The following CHGB variants were observed in gnomAD, a reference collection of about 807,000 sequenced individuals.
The protein encoded by CHGB is secretogranin-1.
A neutral mutation model predicts 69.9 loss-of-function variants in CHGB; 46 were observed. That is an observed-to-expected ratio of 0.66 (90% CI 0.52 to 0.84). CHGB has a LOEUF of 0.84. Ranked by LOEUF, CHGB falls within the 40% of genes least tolerant of loss-of-function variation. The pLI is 0.00. For missense variants in CHGB, 796 were observed against 822.2 expected, an observed-to-expected ratio of 0.97 and a Z score of 0.39; for synonymous variants, 312 against 298.2, an observed-to-expected ratio of 1.05 and a Z score of -0.48.
At chr20:5,920,610 T>G (rs767249305) in intron 3 of CHGB, among the ~76,000 whole-genome samples, 18 of 152,186 alleles carry the variant, frequency 1.2e-4, no homozygotes, top group Non-Finnish European at 2.4e-4. Flanking sequence ...ATGACCTAAT[T>G]ACCTCTCAGA....
rs1285731523 is a variant in CHGB, at chr20:5,911,532, C to T, written c.-102C>T. 4 of 1,270,646 alleles carry T rather than the reference C, an allele frequency of 3.1e-6. No individual in the cohort carries two copies. Among genetic ancestry groups the T allele is most frequent in the Non-Finnish European group, 4.3e-6 (4 of 922,568 alleles). The allele number at this position is 1,270,646 out of a possible 1,614,324, so 78.7% of individuals were successfully genotyped here. ...GCCACACCGCGGGGACCAGGAGGCA[C>T]GCTGGTTTTCCGGGGCCGCTCCATC... On this transcript the variant is annotated 5_prime_UTR_variant, in exon 1 of 5. In the 5' UTR this introduces an upstream ATG that the reference lacks. Transcript: ENST00000378961.
At chr20:5,917,376 AC>A (rs1379268968) in intron 3 of CHGB, 1 of 159,798 alleles carries the variant, frequency 6.3e-6, no homozygotes, top group Non-Finnish European at 1.4e-5. Context: ...TGCTCTTCTG[AC>A]AGTGAGAATC....
Position 5,923,133 on chromosome 20 carries a change from C to T in CHGB, c.989C>T (p.Thr330Ile), listed in dbSNP as rs770944731. The stretch of plus-strand genomic sequence containing the variant: ...GGGGAAAAGAGGGACCACCATTCAA[C>T]CCACTACAGGGCTTCAGAGGAAGAA... ...SLGEKRDHHS[T>I]HYRASEEEPE... The change falls in exon 4 of 5, where the codon ACC becomes ATC. Residue 330 changes from threonine to isoleucine, a missense_variant. This residue lies in a region of CHGB where 518 missense variants were observed against 506.3 expected (regional missense o/e 1.02). Transcript: ENST00000378961. The T allele has an allele frequency of 6.2e-7, 1 of 1,613,958 alleles. No individual in the cohort carries two copies.
At position 5,911,668 on chromosome 20, in the gene CHGB, C is replaced by G. The variant is rs1477351788; in HGVS notation, c.35C>G (p.Ala12Gly). 1.3e-6 allele frequency: 2 copies of G among 1,489,978 alleles called. No homozygotes were observed. The highest frequency in any genetic ancestry group is 2.9e-5 in the African/African-American group (2 of 68,282). The allele number at this position is 1,489,978 out of a possible 1,614,324, so 92.3% of individuals were successfully genotyped here. The stretch of plus-strand genomic sequence containing the variant: ...ACGCTGCTTCTCAGCCTCCTGGGAG[C>G]CGTGGGGCTGGCGGGTGAGTGGGCG... ...QPTLLLSLLG[A>G]VGLAAVNSMP... Residue 12 changes from alanine to glycine, a missense_variant, in exon 1 of 5, where the codon GCC becomes GGC. Physicochemically the swap from Ala to Gly is moderately conservative, Grantham distance 60. Coordinates refer to ENST00000378961, the MANE Select transcript of CHGB (RefSeq NM_001819.3).
At chr20:5,918,480 A>G (rs2088492290) in intron 3 of CHGB, among the ~76,000 whole-genome samples, 1 of 152,118 alleles carries the variant, frequency 6.6e-6, no homozygotes, top group African/African-American at 2.4e-5. Context: ...ATGAGCCCTC[A>G]TGCATGAAAT....
At position 5,916,437 on chromosome 20, in the gene CHGB, A is replaced by G. The variant is rs543258344; in HGVS notation, c.96+65A>G. 1.7e-5 allele frequency: 24 copies of G among 1,373,186 alleles called. No individual in the cohort carries two copies. The African/African-American group carries it at 1.9e-4, about 11-fold the overall frequency. The allele number at this position is 1,373,186 out of a possible 1,614,324, so 85.1% of individuals were successfully genotyped here. On this transcript the variant is annotated intron_variant, in intron 2 of 4. Coordinates refer to ENST00000378961, the MANE Select transcript of CHGB (RefSeq NM_001819.3). ...TAGACTCTAGATTCTCCCAGTCCCT[A>G]TTATACCAAACCAAACACACGCATG...
Position 5,923,635 on chromosome 20 carries a change from GGAAGCTAGGTTTCAA to G in CHGB, c.1494_1508del (p.Glu498_Gln502del), listed in dbSNP as rs770222801. The G allele has an allele frequency of 4.6e-5, 75 of 1,613,944 alleles. No homozygotes were observed. The highest frequency in any genetic ancestry group is 6.1e-5 in the Non-Finnish European group (72 of 1,180,034). Reference sequence around the variant, plus strand: ...TGCAGGACACTAAAGAAAACAGGGAGGAAGCTAGGTTTCAAGATAAACAATATAGCTCCCATCACA... The same window carrying G: ...TGCAGGACACTAAAGAAAACAGGGAGGATAAACAATATAGCTCCCATCACA... On this transcript the variant is annotated inframe_deletion, in exon 4 of 5. Transcript: ENST00000378961.
chr20:5,924,931 T>G (rs1311367942), intron 4 of CHGB, 41 bp from the exon 5 acceptor site: 2 of 1,245,682 alleles, frequency 1.6e-6, no homozygotes, highest in East Asian at 4.6e-5. Flanking sequence ...CAAAAGAAAT[T>G]GGTTCGGGAC....
intron 4 of CHGB, 118 bp downstream of exon 4, chr20:5,924,218 G>C: frequency 3.6e-6 from 5 of 1,406,730 alleles, no homozygotes; most frequent in Non-Finnish European, 4.7e-6. Context: ...TATGAAAATG[G>C]TGCTCTAGTA....
At chr20:5,924,668 T>C (rs575498954) in intron 4 of CHGB, among the ~76,000 whole-genome samples, 88 of 152,338 alleles carry the variant, frequency 5.8e-4, no homozygotes, top group Middle Eastern at 3.4e-3. Flanking sequence ...ATGTTTTTTT[T>C]CCTAATATTG....
chr20:5,924,108 C>A lies in CHGB; in HGVS notation c.1956+8C>A. ...GTCCTGACAGAGGACGAGGTATGGT[C>A]TAGGGCTTCTGTTTAAAAGTACTTA... On this transcript the variant is annotated splice_region_variant and intron_variant, in intron 4 of 4. Transcript: ENST00000378961. 1 of 1,583,312 alleles carries A rather than the reference C, an allele frequency of 6.3e-7. No homozygotes were observed.
chr20:5,916,160 T>C (rs142884118), intron 1 of CHGB, 166 bp from the exon 2 acceptor site: 6,362 of 619,082 alleles, frequency 0.01, 149 homozygotes, highest in Admixed American at 0.066. Flanking sequence ...TTGTCTGTGG[T>C]CTAGATTTGA....
chr20:5,911,590 C>T lies in CHGB; in HGVS notation c.-44C>T. The T allele has an allele frequency of 6.6e-7, 1 of 1,517,042 alleles. No homozygotes were observed. Among genetic ancestry groups the T allele is most frequent in the Non-Finnish European group, 8.8e-7 (1 of 1,137,550 alleles). The allele number at this position is 1,517,042 out of a possible 1,614,324, so 94.0% of individuals were successfully genotyped here. A position where few individuals can be genotyped will look rare whatever the true frequency, so the allele number is the denominator to read the frequency against. The stretch of plus-strand genomic sequence containing the variant: ...CCTCCTGCGCCTCGCTTCTCCGGTC[C>T]AGCCGCCATCTTCCTTTCCGCACAG... On this transcript the variant is annotated 5_prime_UTR_variant, in exon 1 of 5. Coordinates refer to ENST00000378961, the MANE Select transcript of CHGB (RefSeq NM_001819.3).
At chr20:5,915,311 C>T (rs916090090) in intron 1 of CHGB, among the ~76,000 whole-genome samples, 2 of 152,124 alleles carry the variant, frequency 1.3e-5, no homozygotes, top group East Asian at 1.9e-4. Flanking sequence ...TTAAGATAGG[C>T]GGAATCCCAT....
intron 2 of CHGB, 55 bp from the exon 3 acceptor site, chr20:5,916,771 A>T: frequency 6.6e-7 from 1 of 1,506,658 alleles, no homozygotes; most frequent in Non-Finnish European, 9.2e-7. Flanking sequence ...TGGGTTGAGT[A>T]GTCTGTCATC....
intron 1 of CHGB, among the ~76,000 whole-genome samples, chr20:5,914,993 G>A: frequency 6.6e-6 from 1 of 152,240 alleles, no homozygotes; most frequent in East Asian, 1.9e-4. Flanking sequence ...TCAGGTTGCT[G>A]CATTTGAATA....
intron 3 of CHGB, among the ~76,000 whole-genome samples, chr20:5,921,589 A>G (rs1234445242): frequency 6.6e-6 from 1 of 152,238 alleles, no homozygotes; most frequent in Non-Finnish European, 1.5e-5. Flanking sequence ...TGGAAACACA[A>G]AGATAACTCA....
intron 3 of CHGB, among the ~76,000 whole-genome samples, chr20:5,921,687 G>C (rs925673608): frequency 1.3e-5 from 2 of 152,208 alleles, no homozygotes; most frequent in Non-Finnish European, 2.9e-5. Context: ...CCACTGATGT[G>C]CAGTTTTCTC....
Position 5,922,557 on chromosome 20 carries a change from A to G in CHGB, c.413A>G (p.Gln138Arg). ...AGCCGAGAGCGAGCGGATGAGCCCC[A>G]GTGGAGCCTCTATCCCTCCGACAGC... ...GHSRERADEPQWSLYPSDSQV... is the reference protein window; with the variant it reads ...GHSRERADEPRWSLYPSDSQV... Residue 138 changes from glutamine (Q) to arginine (R), a missense_variant, in exon 4 of 5, where the codon CAG becomes CGG. Coordinates refer to ENST00000378961, the MANE Select transcript of CHGB (RefSeq NM_001819.3). 6.2e-7 allele frequency: 1 copy of G among 1,613,686 alleles called. No individual in the cohort carries two copies. Among genetic ancestry groups the G allele is most frequent in the Non-Finnish European group, 8.5e-7 (1 of 1,179,736 alleles).
Sources: gnomAD v4.1 joint callset for allele counts (sites outside exome capture counted in the v4.1 genomes callset) on GRCh38, gnomAD v4.1.1 for gene constraint, gnomAD v4.1.1 regional missense constraint, MANE v1.5 for transcripts, NCBI Gene and HGNC (gene_info 2026-07-23, HGNC 2026-07-21) for gene names.